The following HIPK3 variants were observed in gnomAD, a reference collection of about 807,000 sequenced individuals.
The protein encoded by HIPK3 is homeodomain-interacting protein kinase 3.
In HIPK3, 47 loss-of-function variants were observed where a neutral mutation model predicts 124.2. That is an observed-to-expected ratio of 0.38 (90% CI 0.30 to 0.48). The LOEUF is 0.48. HIPK3 is among the 20% of genes least tolerant of loss of function. The pLI is 0.98. For synonymous variants in HIPK3, 482 were observed against 515.2 expected (o/e 0.94, Z 0.87); for missense variants, 1,286 against 1,454.3 (o/e 0.88, Z 1.88).
chr11:33,334,166 A>G (rs986839274), intron 3 of HIPK3, among the ~76,000 whole-genome samples: 9 of 152,192 alleles, frequency 5.9e-5, no homozygotes, highest in Admixed American at 5.2e-4. Context: ...CACACAATCT[A>G]GTAGGGAAAA....
At chr11:33,285,400 A>G (rs1590357086) in intron 1 of HIPK3, among the ~76,000 whole-genome samples, 1 of 152,294 alleles carries the variant, frequency 6.6e-6, no homozygotes, top group East Asian at 1.9e-4. Flanking sequence ...GGGAACATGA[A>G]TATAACTGGG....
At chr11:33,338,687 G>T in intron 4 of HIPK3, 70 bp from the exon 5 acceptor site, 2 of 878,044 alleles carry the variant, frequency 2.3e-6, no homozygotes, top group Non-Finnish European at 1.8e-6. Flanking sequence ...TAATATATTA[G>T]ACTAAATGTG....
intron 2 of HIPK3, among the ~76,000 whole-genome samples, chr11:33,327,472 C>A (rs1590404786): frequency 1.3e-5 from 2 of 152,186 alleles, no homozygotes; most frequent in East Asian, 3.9e-4. Flanking sequence ...AATGCATGAT[C>A]CTGAGTTGGA....
intron 8 of HIPK3, among the ~76,000 whole-genome samples, chr11:33,342,491 A>G (rs1348692334): frequency 6.6e-6 from 1 of 152,138 alleles, no homozygotes; most frequent in Non-Finnish European, 1.5e-5. Context: ...ATAGCCAATT[A>G]AATCCTCAAG....
At chr11:33,262,467 A>G (rs1028739719) in intron 1 of HIPK3, among the ~76,000 whole-genome samples, 1 of 152,238 alleles carries the variant, frequency 6.6e-6, no homozygotes, top group Non-Finnish European at 1.5e-5. Flanking sequence ...AAGGCAGCAT[A>G]TTGTCTGGAT....
intron 1 of HIPK3, among the ~76,000 whole-genome samples, chr11:33,273,151 C>CAGTTGACAAGATATA (rs1851181189): frequency 6.6e-6 from 1 of 151,940 alleles, no homozygotes; most frequent in Non-Finnish European, 1.5e-5. Flanking sequence ...GGGCCATCCT[C>CAGTTGACAAGATATA]AGTTGACAAG....
Position 33,353,573 on chromosome 11 carries a change from C to T in HIPK3, c.*5C>T. On this transcript the variant is annotated 3_prime_UTR_variant, in exon 17 of 17. Transcript: ENST00000303296. The stretch of plus-strand genomic sequence containing the variant: ...AGCCAGTATCCATATATGTGAAAAA[C>T]AGTATATTGGGGAAGCTCAATGATA... 1 of 1,528,948 alleles carries T rather than the reference C, an allele frequency of 6.5e-7. No individual in the cohort carries two copies. The highest frequency in any genetic ancestry group is 1.4e-5 in the African/African-American group (1 of 73,296). 94.7% of individuals were successfully genotyped at this position (1,528,948 alleles called of 1,614,324 possible). A position where few individuals can be genotyped will look rare whatever the true frequency, so the allele number is the denominator to read the frequency against.
At position 33,349,166 on chromosome 11, in the gene HIPK3, T is replaced by A. The variant is rs1853585334; in HGVS notation, c.2686T>A (p.Cys896Ser). 6.2e-7 allele frequency: 1 copy of A among 1,613,988 alleles called. No individual in the cohort carries two copies. Among genetic ancestry groups the A allele is most frequent in the Admixed American group, 1.7e-5 (1 of 60,002 alleles). The change falls in exon 14 of 17, where the codon TGT (cysteine) becomes AGT (serine). Residue 896 changes from cysteine (C) to serine (S), a missense_variant. Cys to Ser is a moderately radical substitution (Grantham distance 112). This residue lies in a region of HIPK3 where 810 missense variants were observed against 864.9 expected (regional missense o/e 0.94). Transcript: ENST00000303296. ...SLRECKGSLDCEACQSTLNID... is the reference protein window; with the variant it reads ...SLRECKGSLDSEACQSTLNID... ...CACTAGATGTAAAGGTAGTCTAGATTGTGAAGCTTGCCAGAGCACTTTGAA... is the reference window on the plus strand; with the variant it reads ...CACTAGATGTAAAGGTAGTCTAGATAGTGAAGCTTGCCAGAGCACTTTGAA...
At chr11:33,280,817 G>A (rs1331029026) in intron 1 of HIPK3, among the ~76,000 whole-genome samples, 2 of 152,196 alleles carry the variant, frequency 1.3e-5, no homozygotes, top group Non-Finnish European at 2.9e-5. Flanking sequence ...GCCTAGAGTG[G>A]TGTGCATTGA....
intron 2 of HIPK3, among the ~76,000 whole-genome samples, chr11:33,289,261 G>A (rs1380735031): frequency 6.6e-6 from 1 of 151,968 alleles, no homozygotes; most frequent in Non-Finnish European, 1.5e-5. Context: ...GCAACAGAGC[G>A]AGACCCTGCC....
At chr11:33,260,010 A>G (rs1271038483) in intron 1 of HIPK3, among the ~76,000 whole-genome samples, 1 of 152,190 alleles carries the variant, frequency 6.6e-6, no homozygotes, top group Admixed American at 6.5e-5. Context: ...AGCCTTACTT[A>G]GTTTATTGTC....
chr11:33,301,821 G>GACACACACACACACACACACATAC lies in HIPK3; in HGVS notation c.1097+14331_1097+14332insTACACACACACACACACACACACA, dbSNP rs1554964625. Reference sequence around the variant, plus strand: ...TGGGCAACAGAGTGAAACCCTGTCTGACACACACACACACACACACACACA... The same window carrying GACACACACACACACACACACATAC: ...TGGGCAACAGAGTGAAACCCTGTCTGACACACACACACACACACACATACACACACACACACACACACACACACA... On this transcript the variant is annotated intron_variant, in intron 2 of 16. Transcript: ENST00000303296. 2.5e-4 allele frequency among the ~76,000 whole-genome samples: 32 copies of GACACACACACACACACACACATAC among 127,544 alleles called. No homozygotes were observed. In the South Asian group the frequency reaches 3.1e-3, roughly 12 times the overall value. The allele number at this position is 127,544 out of a possible 152,430, so 83.7% of individuals were successfully genotyped here. A position where few individuals can be genotyped will look rare whatever the true frequency, so the allele number is the denominator to read the frequency against.
At chr11:33,323,309 T>A (rs1159839460) in intron 2 of HIPK3, among the ~76,000 whole-genome samples, 3 of 152,200 alleles carry the variant, frequency 2.0e-5, no homozygotes, top group Admixed American at 6.5e-5. Flanking sequence ...AGTGGTGTGA[T>A]CTTGGCTCAC....
At chr11:33,324,960 A>G (rs1029222255) in intron 2 of HIPK3, among the ~76,000 whole-genome samples, 2 of 152,376 alleles carry the variant, frequency 1.3e-5, no homozygotes, top group Admixed American at 6.5e-5. Context: ...AACTAATGCA[A>G]TAATAGATAG....
At chr11:33,329,600 C>T (rs1485017735) in intron 3 of HIPK3, among the ~76,000 whole-genome samples, 2 of 152,118 alleles carry the variant, frequency 1.3e-5, no homozygotes, top group East Asian at 1.9e-4. Context: ...TAGATGTTAT[C>T]ATTGACTTTA....
chr11:33,265,814 G>A (rs1426149409), intron 1 of HIPK3, among the ~76,000 whole-genome samples: 7 of 149,334 alleles, frequency 4.7e-5, no homozygotes, highest in Admixed American at 2.7e-4. Context: ...GGCCGGGCAC[G>A]GTGGCTCACG....
Position 33,287,254 on chromosome 11 carries a change from A to G in HIPK3, c.840A>G (p.Gln280=). The change falls in exon 2 of 17, where the codon CAA becomes CAG. Residue 280 remains glutamine (Q), a synonymous_variant. Coordinates refer to ENST00000303296, the MANE Select transcript of HIPK3 (RefSeq NM_005734.5). ...HTCLVFEMLE[Q]NLYDFLKQNK... is the part of the protein sequence containing the mutation. ...GTTTAGTCTTTGAGATGCTGGAACA[A>G]AACTTGTATGACTTTCTGAAACAAA... is the stretch of plus-strand genomic sequence containing the variant. The G allele has an allele frequency of 6.2e-7, 1 of 1,614,184 alleles. No homozygotes were observed.
At chr11:33,320,354 G>A (rs1315654700) in intron 2 of HIPK3, among the ~76,000 whole-genome samples, 1 of 152,176 alleles carries the variant, frequency 6.6e-6, no homozygotes, top group Non-Finnish European at 1.5e-5. Flanking sequence ...ACAGATGGAG[G>A]TGATGGGGGG....
rs199732521 is a variant in HIPK3, at chr11:33,282,439, T to TGG, written c.-2-3972_-2-3971dup. ...GCTCATGCCTGTAATCTCAGCACTT[T>TGG]GGGAGGCCAAGGTGGGTGGATTACT... On this transcript the variant is annotated intron_variant, in intron 1 of 16. Transcript: ENST00000303296. 9.1e-3 allele frequency among the ~76,000 whole-genome samples: 1,381 copies of TGG among 152,238 alleles called. 23 individuals carry two copies. The highest frequency in any genetic ancestry group is 0.031 in the African/African-American group (1,296 of 41,532).
Sources: gnomAD v4.1 joint callset for allele counts (sites outside exome capture counted in the v4.1 genomes callset) on GRCh38, gnomAD v4.1.1 for gene constraint, gnomAD v4.1.1 regional missense constraint, MANE v1.5 for transcripts, NCBI Gene and HGNC (gene_info 2026-07-23, HGNC 2026-07-21) for gene names.